KCNH5: variants seen among roughly 807,000 people sequenced by gnomAD.
KCNH5 encodes potassium voltage-gated channel subfamily H member 5.
KCNH5 carries 46 observed loss-of-function variants against 96.1 expected under a neutral mutation model. The ratio of observed to expected loss-of-function variants is 0.48; its 90% CI spans 0.38 to 0.61. The LOEUF (loss-of-function observed/expected upper bound fraction) is 0.61, where lower values mean the gene tolerates loss of function less well. KCNH5 is among the 20% of genes least tolerant of loss of function. The pLI, the probability that KCNH5 is intolerant of heterozygous loss-of-function variation, is 0.00. For synonymous variants in KCNH5, 439 were observed against 449.8 expected (o/e 0.98, Z 0.30); for missense variants, 907 against 1,225.8 (o/e 0.74, Z 3.88).
intron 4 of KCNH5, among the ~76,000 whole-genome samples, 178 bp from the exon 5 acceptor site, chr14:62,987,365 C>CA (rs1312929297): frequency 1.3e-5 from 2 of 152,114 alleles, no homozygotes; most frequent in Non-Finnish European, 2.9e-5. Context: ...GAAGTGTGGC[C>CA]ATAAAATAAT....
chr14:62,869,774 G>C (rs1261940660), intron 7 of KCNH5, among the ~76,000 whole-genome samples: 3 of 152,120 alleles, frequency 2.0e-5, no homozygotes, highest in East Asian at 1.9e-4. Context: ...ACAGAACAGA[G>C]GCCTCAGAAA....
intron 10 of KCNH5, among the ~76,000 whole-genome samples, chr14:62,748,920 C>T (rs1412701783): frequency 6.6e-6 from 1 of 152,120 alleles, no homozygotes; most frequent in African/African-American, 2.4e-5. Flanking sequence ...GAAAGGCTTT[C>T]CAAGAACTGG....
intron 8 of KCNH5, among the ~76,000 whole-genome samples, chr14:62,847,054 C>T (rs1173528759): frequency 6.7e-6 from 1 of 148,950 alleles, no homozygotes; most frequent in Non-Finnish European, 1.5e-5. Flanking sequence ...CCCACCTCGG[C>T]CTCCCAAAGT....
At chr14:63,016,808 T>G (rs1891334807) in intron 2 of KCNH5, 23 bp downstream of exon 2, 2 of 1,594,658 alleles carry the variant, frequency 1.3e-6, no homozygotes, top group East Asian at 4.5e-5. Flanking sequence ...CAGAAAAGAT[T>G]ACTTAGCTAT....
intron 10 of KCNH5, among the ~76,000 whole-genome samples, chr14:62,715,559 G>A (rs180869434): frequency 3.3e-5 from 5 of 152,328 alleles, no homozygotes; most frequent in Admixed American, 2.6e-4. Flanking sequence ...GAAGGCCACA[G>A]TGATGGGGCT....
intron 7 of KCNH5, among the ~76,000 whole-genome samples, chr14:62,945,627 A>G (rs1332301939): frequency 6.6e-6 from 1 of 152,144 alleles, no homozygotes; most frequent in Non-Finnish European, 1.5e-5. Context: ...TGGTAGGGAC[A>G]ATGAAGGGAA....
intron 10 of KCNH5, among the ~76,000 whole-genome samples, chr14:62,726,323 T>A (rs1884924735): frequency 6.6e-6 from 1 of 152,110 alleles, no homozygotes; most frequent in Admixed American, 6.6e-5. Context: ...AAATTCAGAT[T>A]TTTTTCTTTG....
chr14:62,825,256 A>G (rs139275043), intron 8 of KCNH5, among the ~76,000 whole-genome samples: 348 of 152,172 alleles, frequency 2.3e-3, no homozygotes, highest in Non-Finnish European at 4.3e-3. Flanking sequence ...GCATATATGT[A>G]TATATGTGTT....
chr14:63,044,400 T>C (rs926917138), intron 1 of KCNH5, among the ~76,000 whole-genome samples: 2 of 152,202 alleles, frequency 1.3e-5, no homozygotes, highest in African/African-American at 4.8e-5. Flanking sequence ...GGATGGCATC[T>C]TTTTGATTTT....
intron 9 of KCNH5, among the ~76,000 whole-genome samples, chr14:62,800,788 C>A (rs531271111): frequency 1.3e-5 from 2 of 151,752 alleles, no homozygotes; most frequent in African/African-American, 4.8e-5. Context: ...TTCATTTTAC[C>A]ACAAAGGATT....
Position 62,700,644 on chromosome 14 carries a change from A to C in KCNH5, c.*6864T>G, listed in dbSNP as rs1462489023. 1 of 152,220 alleles carries C rather than the reference A, an allele frequency of 6.6e-6. No individual in the cohort carries two copies. 9.4% of individuals were successfully genotyped at this position (152,220 alleles called of 1,614,324 possible). On this transcript the variant is annotated 3_prime_UTR_variant, in exon 11 of 11. Coordinates refer to ENST00000322893, the MANE Select transcript of KCNH5 (RefSeq NM_139318.5). Reference sequence around the variant, plus strand: ...GTTCATGGCTGTGACATAATATACCAATATTAAATACTTAGGACTATCAAA... The same window carrying C: ...GTTCATGGCTGTGACATAATATACCCATATTAAATACTTAGGACTATCAAA...
chr14:62,742,588 G>A (rs1412960237), intron 10 of KCNH5, among the ~76,000 whole-genome samples: 2 of 152,224 alleles, frequency 1.3e-5, no homozygotes, highest in Non-Finnish European at 2.9e-5. Context: ...TTCCCCAGGT[G>A]AGTCTAAACT....
chr14:62,804,205 A>T (rs950431429), intron 8 of KCNH5, among the ~76,000 whole-genome samples: 2 of 152,024 alleles, frequency 1.3e-5, no homozygotes, highest in Admixed American at 6.6e-5. Flanking sequence ...GGTTTTTTTC[A>T]TACTCCCTCA....
At chr14:62,922,210 G>A (rs1255290348) in intron 7 of KCNH5, among the ~76,000 whole-genome samples, 4 of 151,880 alleles carry the variant, frequency 2.6e-5, no homozygotes, top group East Asian at 1.9e-4. Context: ...ATCCTTAGAC[G>A]TAGATAACTG....
chr14:63,009,769 T>G (rs147064457), intron 2 of KCNH5, among the ~76,000 whole-genome samples: 12 of 152,314 alleles, frequency 7.9e-5, no homozygotes, highest in Non-Finnish European at 1.3e-4. Flanking sequence ...CATTTGTTTA[T>G]TTGCTTGGCT....
chr14:62,863,866 T>C (rs978589449), intron 7 of KCNH5, among the ~76,000 whole-genome samples: 1 of 152,180 alleles, frequency 6.6e-6, no homozygotes, highest in Admixed American at 6.6e-5. Flanking sequence ...TTACTTAATT[T>C]GTATGTATAC....
At chr14:62,970,474 C>A (rs1017373343) in intron 6 of KCNH5, among the ~76,000 whole-genome samples, 1 of 152,188 alleles carries the variant, frequency 6.6e-6, no homozygotes, top group East Asian at 1.9e-4. Flanking sequence ...AGAATACTTT[C>A]TTGTGCATTT....
rs760125331 is a variant in KCNH5 at position 62,779,731 on chromosome 14, T to G, written c.2016A>C (p.Lys672Asn). Residue 672 changes from lysine (K) to asparagine (N), a missense_variant, in exon 10 of 11, where the codon AAA becomes AAC. Around this residue, in one of 6 missense-constraint regions of KCNH5, gnomAD observed 362 missense variants for 394.4 expected, o/e 0.92. Transcript: ENST00000322893. ...RNLTLTCNLRKRIIFRKISDV... is the reference protein window; with the variant it reads ...RNLTLTCNLRNRIIFRKISDV... Reference sequence around the variant, plus strand: ...AAAGCAGACCCAGAGAACATACCCGTTTCCTCAGATTGCAAGTAAGAGTGA... The same window carrying G: ...AAAGCAGACCCAGAGAACATACCCGGTTCCTCAGATTGCAAGTAAGAGTGA... 6.2e-7 allele frequency: 1 copy of G among 1,612,350 alleles called. No homozygotes were observed. The highest frequency in any genetic ancestry group is 2.2e-5 in the East Asian group (1 of 44,848).
chr14:62,950,841 T>C (rs140417008), intron 6 of KCNH5, among the ~76,000 whole-genome samples: 114 of 152,306 alleles, frequency 7.5e-4, no homozygotes, highest in African/African-American at 2.4e-3. Flanking sequence ...AGAATATAAA[T>C]GGTACAGAGA....
Sources: gnomAD v4.1 joint callset for allele counts (sites outside exome capture counted in the v4.1 genomes callset) on GRCh38, gnomAD v4.1.1 for gene constraint, gnomAD v4.1.1 regional missense constraint, MANE v1.5 for transcripts, NCBI Gene and HGNC (gene_info 2026-07-23, HGNC 2026-07-21) for gene names.